Variants in ITPR2 observed in about 807,000 individuals in gnomAD.
The protein encoded by ITPR2 is inositol 1,4,5-trisphosphate-gated calcium channel ITPR2.
A neutral mutation model predicts 317.1 loss-of-function variants in ITPR2; 207 were observed. The observed-to-expected ratio is 0.65, with a 90% CI of 0.58 to 0.73. The LOEUF (loss-of-function observed/expected upper bound fraction) is 0.73, where lower values mean the gene tolerates loss of function less well. Among genes scored for constraint, ITPR2 ranks in the 30% least tolerant of loss-of-function variants. ITPR2 has a pLI of 0.00. For synonymous variants in ITPR2, 1,156 were observed against 1,149.1 expected (o/e 1.01, Z -0.12); for missense variants, 2,613 against 3,284.0 (o/e 0.80, Z 4.99).
chr12:26,386,619 T>C (rs1387840726), intron 55 of ITPR2, among the ~76,000 whole-genome samples: 1 of 148,732 alleles, frequency 6.7e-6, no homozygotes, highest in Non-Finnish European at 1.5e-5. Flanking sequence ...TCATGAGTCA[T>C]CTAAGGCCTC....
At chr12:26,425,397 A>T (rs111686567) in intron 49 of ITPR2, among the ~76,000 whole-genome samples, 12 of 152,100 alleles carry the variant, frequency 7.9e-5, no homozygotes, top group African/African-American at 2.9e-4. Flanking sequence ...GGCCAGGCGC[A>T]GTGGCTCACG....
chr12:26,758,741 G>T (rs1198837652), intron 2 of ITPR2, among the ~76,000 whole-genome samples: 1 of 152,146 alleles, frequency 6.6e-6, no homozygotes, highest in Non-Finnish European at 1.5e-5. Flanking sequence ...TCCCTCATTG[G>T]TCTGTGGCTG....
At position 26,487,286 on chromosome 12, in the gene ITPR2, A is replaced by G. The variant is rs758580252; in HGVS notation, c.5371-35T>C. 2.0e-6 allele frequency: 3 copies of G among 1,476,194 alleles called. No homozygotes were observed. The East Asian group carries it at 6.8e-5, about 33-fold the overall frequency. The allele number at this position is 1,476,194 out of a possible 1,614,324, so 91.4% of individuals were successfully genotyped here. On this transcript the variant is annotated intron_variant, in intron 39 of 56. Transcript: ENST00000381340. ...AACATATTTTAAGACATCAATACCC[A>G]AGGGGAGACAAATGGTGTTTTTATG...
intron 11 of ITPR2, among the ~76,000 whole-genome samples, chr12:26,684,707 C>T (rs1017568290): frequency 1.5e-4 from 23 of 152,166 alleles, no homozygotes; most frequent in African/African-American, 5.6e-4. Context: ...AAGTGAGGCT[C>T]AGTGGCCCTC....
At chr12:26,790,921 G>T (rs922216395) in intron 1 of ITPR2, among the ~76,000 whole-genome samples, 4 of 152,124 alleles carry the variant, frequency 2.6e-5, no homozygotes, top group Non-Finnish European at 5.9e-5. Flanking sequence ...AAGATTAAAT[G>T]ACTTAGTATT....
At chr12:26,373,257 G>A (rs1251239944) in intron 55 of ITPR2, among the ~76,000 whole-genome samples, 1 of 152,156 alleles carries the variant, frequency 6.6e-6, no homozygotes, top group Non-Finnish European at 1.5e-5. Flanking sequence ...TTAGAACCAG[G>A]ACAGAAGAGA....
intron 9 of ITPR2, among the ~76,000 whole-genome samples, chr12:26,696,702 T>C (rs1300250203): frequency 6.6e-6 from 1 of 152,210 alleles, no homozygotes; most frequent in Non-Finnish European, 1.5e-5. Context: ...ACCCAGTTTT[T>C]ATCATGTGGC....
At chr12:26,805,893 C>G (rs1237166469) in intron 1 of ITPR2, among the ~76,000 whole-genome samples, 2 of 151,886 alleles carry the variant, frequency 1.3e-5, no homozygotes, top group Non-Finnish European at 2.9e-5. Context: ...ACTCTGGTTT[C>G]CATTCTGAGT....
chr12:26,727,066 AC>A (rs1469344564), intron 2 of ITPR2, among the ~76,000 whole-genome samples: 1 of 152,200 alleles, frequency 6.6e-6, no homozygotes, highest in Non-Finnish European at 1.5e-5. Context: ...CTTAGAGGCC[AC>A]CACAATTACA....
At chr12:26,644,255 G>A (rs994451863) in intron 21 of ITPR2, among the ~76,000 whole-genome samples, 7 of 152,112 alleles carry the variant, frequency 4.6e-5, no homozygotes, top group African/African-American at 1.7e-4. Flanking sequence ...TGGCTCCAGT[G>A]GACCCCATTA....
chr12:26,412,552 A>G (rs1051614740), intron 51 of ITPR2, among the ~76,000 whole-genome samples: 1 of 152,228 alleles, frequency 6.6e-6, no homozygotes, highest in Non-Finnish European at 1.5e-5. Context: ...GCCTGGAAGA[A>G]CAACAGTTAG....
At chr12:26,491,449 C>CTCCA (rs1374816565) in intron 39 of ITPR2, among the ~76,000 whole-genome samples, 3 of 133,184 alleles carry the variant, frequency 2.3e-5, no homozygotes, top group Non-Finnish European at 4.7e-5. Flanking sequence ...CACCACTGCA[C>CTCCA]TCCAGCCTGG....
chr12:26,522,203 T>G (rs1449482499), intron 37 of ITPR2, among the ~76,000 whole-genome samples: 1 of 152,210 alleles, frequency 6.6e-6, no homozygotes, highest in African/African-American at 2.4e-5. Flanking sequence ...TAATGCTGAT[T>G]TAATTCCCTG....
intron 42 of ITPR2, 112 bp from the exon 43 acceptor site, chr12:26,481,353 G>A (rs1942541643): frequency 1.6e-6 from 1 of 623,618 alleles, no homozygotes; most frequent in South Asian, 2.0e-5. Flanking sequence ...TAAAAAATAG[G>A]TAAGATTTAC....
At chr12:26,579,998 A>G in intron 33 of ITPR2, 29 bp downstream of exon 33, 1 of 1,597,622 alleles carries the variant, frequency 6.3e-7, no homozygotes, top group Non-Finnish European at 8.5e-7. Flanking sequence ...ACTCTTTGCA[A>G]CAGAATGCTT....
intron 2 of ITPR2, among the ~76,000 whole-genome samples, chr12:26,767,474 T>C (rs770784076): frequency 2.6e-5 from 4 of 152,234 alleles, no homozygotes; most frequent in Non-Finnish European, 4.4e-5. Flanking sequence ...TTTCTAACTG[T>C]AAAATTGATG....
intron 32 of ITPR2, among the ~76,000 whole-genome samples, chr12:26,586,560 C>T (rs1019633129): frequency 1.3e-5 from 2 of 152,074 alleles, no homozygotes; most frequent in African/African-American, 2.4e-5. Flanking sequence ...TCTACATTTC[C>T]ATCCATTTTT....
At chr12:26,500,720 TTACACC>T (rs1943052748) in intron 37 of ITPR2, among the ~76,000 whole-genome samples, 1 of 152,194 alleles carries the variant, frequency 6.6e-6, no homozygotes, top group African/African-American at 2.4e-5. Context: ...CCACTCCCTG[TTACACC>T]GAGTCCAATG....
chr12:26,395,689 A>G (rs1465722743), intron 54 of ITPR2, among the ~76,000 whole-genome samples: 4 of 152,156 alleles, frequency 2.6e-5, no homozygotes, highest in Admixed American at 2.6e-4. Context: ...TATGGGACTC[A>G]CCCTTCTAAA....
Sources: allele counts gnomAD v4.1 joint callset (sites outside exome capture counted in the v4.1 genomes callset), GRCh38; gene constraint gnomAD v4.1.1; transcripts MANE v1.5; gene names NCBI Gene and HGNC (gene_info 2026-07-23, HGNC 2026-07-21).